Variants in BLNK observed in about 807,000 individuals in gnomAD.
BLNK encodes B-cell linker protein.
Under a neutral mutation model 73.5 loss-of-function variants are expected in BLNK, and 29 were observed. That is an observed-to-expected ratio of 0.39 (90% confidence interval 0.29 to 0.54). BLNK has a LOEUF of 0.54. Ranked by LOEUF, BLNK falls within the 20% of genes least tolerant of loss-of-function variation. The pLI is 0.61. For synonymous variants in BLNK, 176 were observed against 200.8 expected, an observed-to-expected ratio of 0.88 and a Z score of 1.04; for missense variants, 460 against 562.8, an observed-to-expected ratio of 0.82 and a Z score of 1.85.
At chr10:96,195,666 A>G (rs1229967902) in intron 16 of BLNK, among the ~76,000 whole-genome samples, 2 of 152,162 alleles carry the variant, frequency 1.3e-5, no homozygotes, top group African/African-American at 4.8e-5. Context: ...GAAAAGGGAA[A>G]CTGTTGTTCA....
chr10:96,240,123 A>G (rs1464426872), intron 3 of BLNK, among the ~76,000 whole-genome samples: 4 of 152,124 alleles, frequency 2.6e-5, no homozygotes, highest in Non-Finnish European at 2.9e-5. Context: ...CCCTCACAGC[A>G]GGTACCATGT....
At chr10:96,201,750 T>TCATC (rs1291202422) in intron 13 of BLNK, among the ~76,000 whole-genome samples, 1 of 152,012 alleles carries the variant, frequency 6.6e-6, no homozygotes, top group Non-Finnish European at 1.5e-5. Flanking sequence ...ATTCATTCAT[T>TCATC]CATTCATTCA....
intron 5 of BLNK, among the ~76,000 whole-genome samples, chr10:96,224,514 G>A (rs376492883): frequency 6.6e-6 from 1 of 152,108 alleles, no homozygotes; most frequent in African/African-American, 2.4e-5. Context: ...CCATTCACAG[G>A]GAATCTGTGG....
chr10:96,244,897 A>G (rs1363236711), intron 2 of BLNK, among the ~76,000 whole-genome samples: 1 of 152,080 alleles, frequency 6.6e-6, no homozygotes, highest in Admixed American at 6.6e-5. Flanking sequence ...TAAAACTGGC[A>G]ACTGGGGGCC....
chr10:96,190,036 G>C lies in BLNK; in HGVS notation c.*1937C>G. Reference sequence around the variant, plus strand: ...ACTGCCTTCATAATTCATTGCCTCTGCTTCAACAATGTGCAGTTCATCCTT... The same window carrying C: ...ACTGCCTTCATAATTCATTGCCTCTCCTTCAACAATGTGCAGTTCATCCTT... On this transcript the variant is annotated 3_prime_UTR_variant, in exon 17 of 17. Coordinates refer to ENST00000224337, the MANE Select transcript of BLNK (RefSeq NM_013314.4). 1 of 808,856 alleles carries C rather than the reference G, an allele frequency of 1.2e-6. No individual in the cohort carries two copies. Among genetic ancestry groups the C allele is most frequent in the Non-Finnish European group, 2.2e-6 (1 of 460,464 alleles). The allele number at this position is 808,856 out of a possible 1,614,324, so 50.1% of individuals were successfully genotyped here.
At chr10:96,207,823 TA>T (rs1554897771) in intron 10 of BLNK, 48 bp downstream of exon 10, 2 of 1,601,374 alleles carry the variant, frequency 1.2e-6, no homozygotes, top group Admixed American at 3.3e-5. Flanking sequence ...TGGATAAGAA[TA>T]AACACTGCAG....
chr10:96,269,879 A>G (rs1713527840), intron 1 of BLNK, among the ~76,000 whole-genome samples: 1 of 151,750 alleles, frequency 6.6e-6, no homozygotes, highest in Non-Finnish European at 1.5e-5. Flanking sequence ...CAGCCTCTGT[A>G]TTTCCTCCCT....
intron 1 of BLNK, among the ~76,000 whole-genome samples, chr10:96,248,244 C>T (rs868971803): frequency 6.6e-6 from 1 of 152,062 alleles, no homozygotes; most frequent in African/African-American, 2.4e-5. Flanking sequence ...GCAAAAACTA[C>T]GATTATTTTT....
At chr10:96,259,065 T>C (rs1461976859) in intron 1 of BLNK, among the ~76,000 whole-genome samples, 1 of 152,218 alleles carries the variant, frequency 6.6e-6, no homozygotes, top group East Asian at 1.9e-4. Context: ...TTCCGGAGCC[T>C]ATGCTCTCAA....
chr10:96,248,500 G>A (rs555729442), intron 1 of BLNK, among the ~76,000 whole-genome samples: 1 of 152,220 alleles, frequency 6.6e-6, no homozygotes, highest in Non-Finnish European at 1.5e-5. Context: ...AATATCCAGT[G>A]TTGAGAAAGT....
intron 1 of BLNK, among the ~76,000 whole-genome samples, chr10:96,264,234 G>A (rs186646585): frequency 9.6e-4 from 146 of 152,256 alleles, no homozygotes; most frequent in Middle Eastern, 3.4e-3. Flanking sequence ...GATTTAAGGG[G>A]GACCTGATGG....
At chr10:96,250,415 G>GA (rs1843232616) in intron 1 of BLNK, among the ~76,000 whole-genome samples, 3 of 143,434 alleles carry the variant, frequency 2.1e-5, no homozygotes, top group African/African-American at 7.6e-5. Flanking sequence ...AGAGAGAGGG[G>GA]GAGAGAGAGA....
At chr10:96,242,927 T>G in intron 2 of BLNK, 143 bp from the exon 3 acceptor site, 1 of 782,834 alleles carries the variant, frequency 1.3e-6, no homozygotes, top group Non-Finnish European at 2.3e-6. Context: ...ACAGATTTGA[T>G]GTATTGTAAA....
intron 5 of BLNK, among the ~76,000 whole-genome samples, chr10:96,224,361 C>A (rs2084271252): frequency 6.6e-6 from 1 of 152,188 alleles, no homozygotes; most frequent in South Asian, 2.1e-4. Flanking sequence ...CTAGGCTCCA[C>A]CCCAGCCTGG....
chr10:96,263,290 C>T (rs1843843958), intron 1 of BLNK, among the ~76,000 whole-genome samples: 1 of 152,196 alleles, frequency 6.6e-6, no homozygotes, highest in South Asian at 2.1e-4. Context: ...GGGACCTGTG[C>T]TGCGTGTTCC....
chr10:96,207,703 C>T (rs186757923), intron 10 of BLNK, among the ~76,000 whole-genome samples, 169 bp downstream of exon 10: 253 of 152,280 alleles, frequency 1.7e-3, no homozygotes, highest in Middle Eastern at 3.4e-3. Flanking sequence ...GGAGCATCCT[C>T]CCTGGCTACC....
intron 3 of BLNK, among the ~76,000 whole-genome samples, chr10:96,236,500 C>G (rs1466464283): frequency 2.0e-5 from 3 of 152,190 alleles, no homozygotes; most frequent in African/African-American, 7.2e-5. Flanking sequence ...TTCAGGCTGG[C>G]TGAGAGAGGT....
chr10:96,209,582 G>A lies in BLNK; in HGVS notation c.746+256C>T, dbSNP rs781965888. 7.2e-5 allele frequency among the ~76,000 whole-genome samples: 11 copies of A among 151,990 alleles called. 1 individual carries two copies. The South Asian group carries it at 1.0e-3, about 14-fold the overall frequency. ...TAATTTTTGTATTTTTAGTAGAGAC[G>A]GGGTTTCGCCATGTTGGCCAGGCTG... On this transcript the variant is annotated intron_variant, in intron 9 of 16. Coordinates refer to ENST00000224337, the MANE Select transcript of BLNK (RefSeq NM_013314.4).
chr10:96,253,623 A>G (rs1843379635), intron 1 of BLNK, among the ~76,000 whole-genome samples: 1 of 152,250 alleles, frequency 6.6e-6, no homozygotes, highest in Non-Finnish European at 1.5e-5. Flanking sequence ...CCATATCAAT[A>G]GAATAAAAAT....
Sources: gnomAD v4.1 joint callset for allele counts (sites outside exome capture counted in the v4.1 genomes callset) on GRCh38, gnomAD v4.1.1 for gene constraint, MANE v1.5 for transcripts, NCBI Gene and HGNC (gene_info 2026-07-23, HGNC 2026-07-21) for gene names.